The following WDR20 variants were observed in gnomAD, a reference collection of about 807,000 sequenced individuals.
WDR20 encodes the protein WD repeat domain 20.
A neutral mutation model predicts 38.7 loss-of-function variants in WDR20; 3 were observed. That is an observed-to-expected ratio of 0.08 (90% CI 0.04 to 0.20). The LOEUF (loss-of-function observed/expected upper bound fraction) is 0.20, where lower values mean the gene tolerates loss of function less well. Ranked by LOEUF, WDR20 falls within the 10% of genes least tolerant of loss-of-function variation. The pLI, the probability that WDR20 is intolerant of heterozygous loss-of-function variation, is 1.00. For synonymous variants in WDR20, 298 were observed against 285.6 expected (o/e 1.04, Z -0.44); for missense variants, 559 against 727.7 (o/e 0.77, Z 2.67).
chr14:102,139,450 G>A (rs2050187356), upstream of WDR20: 4 of 1,495,120 alleles, frequency 2.7e-6, no homozygotes, highest in Non-Finnish European at 2.7e-6. Flanking sequence ...CGAAGCGGTG[G>A]CCGTCGGGGT....
chr14:102,152,946 A>T (rs892900450), intron 1 of WDR20, among the ~76,000 whole-genome samples: 1 of 152,164 alleles, frequency 6.6e-6, no homozygotes, highest in Non-Finnish European at 1.5e-5. Context: ...TAGGAGTCTC[A>T]TTGGGAGCTC....
intron 1 of WDR20, among the ~76,000 whole-genome samples, chr14:102,169,714 G>A (rs892512350): frequency 5.3e-5 from 8 of 152,018 alleles, no homozygotes; most frequent in Admixed American, 4.6e-4. Flanking sequence ...TTTTAGTAGA[G>A]ACAGGGTTTC....
chr14:102,183,886 G>T (rs997425034), intron 1 of WDR20, among the ~76,000 whole-genome samples: 5 of 152,210 alleles, frequency 3.3e-5, no homozygotes, highest in African/African-American at 1.2e-4. Flanking sequence ...ATTACTCTCT[G>T]CTCTACAATG....
intron 1 of WDR20, among the ~76,000 whole-genome samples, chr14:102,194,049 T>C (rs1413347887): frequency 2.0e-5 from 3 of 152,206 alleles, no homozygotes; most frequent in Non-Finnish European, 4.4e-5. Context: ...TGACTCTCTC[T>C]CCCCATCCCC....
chr14:102,203,590 C>T (rs1439828719), intron 2 of WDR20, among the ~76,000 whole-genome samples: 2 of 152,196 alleles, frequency 1.3e-5, no homozygotes, highest in East Asian at 1.9e-4. Flanking sequence ...AGATGCCACA[C>T]ATGGCCTGGA....
rs1157220613 is a variant in WDR20, at chr14:102,209,576, G to A, written c.1406G>A (p.Arg469Gln). ...TTTGCAACACTTTCACTACATGACC[G>A]GAAGGAGAGGCACCACGAGAAAGAT... ...SKFATLSLHDRKERHHEKDHK... is the reference protein window; with the variant it reads ...SKFATLSLHDQKERHHEKDHK... The change falls in exon 3 of 3, where the codon CGG (arginine) becomes CAG (glutamine). Residue 469 changes from arginine to glutamine, a missense_variant. Arg to Gln is a conservative substitution (Grantham distance 43). Transcript: ENST00000342702. The surrounding 1 kb of genome is among the most constrained non-coding windows in gnomAD (Gnocchi z 6.0). 7 of 1,614,046 alleles carry A rather than the reference G, an allele frequency of 4.3e-6. No individual in the cohort carries two copies. The highest frequency in any genetic ancestry group is 4.0e-5 in the African/African-American group (3 of 74,910).
chr14:102,209,683 C>G lies in WDR20; in HGVS notation c.1513C>G (p.Pro505Ala), dbSNP rs760995416. ...TCTAGTTACCAAAACCAAAACGGAC[C>G]CTGCTAAAACTCTGGGAACGCCCCT... is the stretch of plus-strand genomic sequence containing the variant. ...LNLVTKTKTDPAKTLGTPLCP... is the reference protein window; with the variant it reads ...LNLVTKTKTDAAKTLGTPLCP... Residue 505 changes from proline (P) to alanine (A), a missense_variant, in exon 3 of 3, where the codon CCT becomes GCT. Physicochemically the swap from Pro to Ala is conservative, Grantham distance 27. Coordinates refer to ENST00000342702, the MANE Select transcript of WDR20 (RefSeq NM_144574.4). This position sits in a 1 kb window ranked among gnomAD's most constrained non-coding sequence, Gnocchi z 6.0. 1 of 1,614,034 alleles carries G rather than the reference C, an allele frequency of 6.2e-7. No homozygotes were observed. Among genetic ancestry groups the G allele is most frequent in the South Asian group, 1.1e-5 (1 of 91,078 alleles).
rs555145243 is a variant in WDR20 at position 102,220,037 on chromosome 14, T to C, written c.1693-2793T>C. On this transcript the variant is annotated intron_variant, in intron 3 of 3. Coordinates refer to the WDR20 transcript ENST00000335263. This position sits in a 1 kb window ranked among gnomAD's most constrained non-coding sequence, Gnocchi z 4.2. ...CATTTGTTTTGTGCTAATGGGAGAA[T>C]AGGAAGCCTGCAGCCCTCGCGTTGG... is the stretch of plus-strand genomic sequence containing the variant. 4.6e-5 allele frequency among the ~76,000 whole-genome samples: 7 copies of C among 152,332 alleles called. No individual in the cohort carries two copies. In the South Asian group the frequency reaches 1.4e-3, roughly 32 times the overall value.
chr14:102,200,799 A>T (rs922101745), intron 2 of WDR20, among the ~76,000 whole-genome samples: 1 of 152,194 alleles, frequency 6.6e-6, no homozygotes, highest in African/African-American at 2.4e-5. Flanking sequence ...TGTGAGGCTG[A>T]GGCAGACACA....
At chr14:102,166,906 G>A (rs903195220) in intron 1 of WDR20, among the ~76,000 whole-genome samples, 10 of 152,032 alleles carry the variant, frequency 6.6e-5, no homozygotes, top group Admixed American at 4.6e-4. Flanking sequence ...TCTCACCTGG[G>A]CACTGTACAG....
chr14:102,175,423 ACC>A (rs2061845185), intron 1 of WDR20, among the ~76,000 whole-genome samples: 1 of 152,130 alleles, frequency 6.6e-6, no homozygotes, highest in Non-Finnish European at 1.5e-5. Flanking sequence ...CTGTTTTTAT[ACC>A]AGTACTATGC....
At chr14:102,167,878 T>C (rs1466997184) in intron 1 of WDR20, among the ~76,000 whole-genome samples, 1 of 152,226 alleles carries the variant, frequency 6.6e-6, no homozygotes, top group Non-Finnish European at 1.5e-5. Flanking sequence ...AGGTACTTCA[T>C]AAATATTTGA....
At position 102,209,076 on chromosome 14, in the gene WDR20, G is replaced by A; in HGVS notation, c.906G>A (p.Gly302=). 3.7e-6 allele frequency: 6 copies of A among 1,614,138 alleles called. No homozygotes were observed. Among genetic ancestry groups the A allele is most frequent in the Non-Finnish European group, 5.1e-6 (6 of 1,180,032 alleles). Residue 302 remains glycine, a synonymous_variant, in exon 3 of 3, where the codon GGG becomes GGA. Coordinates refer to ENST00000342702, the MANE Select transcript of WDR20 (RefSeq NM_144574.4). This position sits in a 1 kb window ranked among gnomAD's most constrained non-coding sequence, Gnocchi z 6.0. ...VDCRVIARGH[G]HKSWVSVVAF... ...GCCGAGTAATAGCCAGAGGCCACGG[G>A]CACAAGTCCTGGGTCAGTGTTGTAG...
chr14:102,162,765 CAT>C (rs1468363719), intron 1 of WDR20, among the ~76,000 whole-genome samples: 1 of 152,086 alleles, frequency 6.6e-6, no homozygotes, highest in Non-Finnish European at 1.5e-5. Flanking sequence ...TGTGTATCAC[CAT>C]GCCCAGCTAA....
intron 1 of WDR20, chr14:102,178,858 C>G (rs1384731963): frequency 2.0e-5 from 3 of 152,044 alleles, no homozygotes; most frequent in Non-Finnish European, 4.4e-5. Context: ...ATGCATTGTC[C>G]CTTATGATCT....
chr14:102,206,159 G>T (rs1248998863), intron 2 of WDR20, among the ~76,000 whole-genome samples: 1 of 152,084 alleles, frequency 6.6e-6, no homozygotes, highest in Non-Finnish European at 1.5e-5. Context: ...GCTAATTTTT[G>T]TATTTTTAGT....
At chr14:102,145,343 T>A (rs2053217037) in intron 1 of WDR20, among the ~76,000 whole-genome samples, 1 of 152,224 alleles carries the variant, frequency 6.6e-6, no homozygotes, top group African/African-American at 2.4e-5. Context: ...AAATTTAACC[T>A]TCTTAAAATA....
chr14:102,144,984 G>A (rs868376838), intron 1 of WDR20, among the ~76,000 whole-genome samples: 2 of 152,258 alleles, frequency 1.3e-5, no homozygotes, highest in Middle Eastern at 6.8e-3. Context: ...CAGGCTCTAT[G>A]TTCTTAGAGC....
intron 1 of WDR20, chr14:102,171,255 CTTTTTTTTTT>C (rs71468389): frequency 5.1e-4 from 61 of 119,198 alleles, no homozygotes; most frequent in African/African-American, 1.1e-3. Context: ...TGGCCTCTCT[CTTTTTTTTTT>C]TTTTTTTTTT....
Sources: allele counts gnomAD v4.1 joint callset (sites outside exome capture counted in the v4.1 genomes callset), GRCh38; gene constraint gnomAD v4.1.1; non-coding constraint Gnocchi (gnomAD v3.1); transcripts MANE v1.5; gene names NCBI Gene and HGNC (gene_info 2026-07-23, HGNC 2026-07-21).